UBE2W: variants seen among roughly 807,000 people sequenced by gnomAD.
UBE2W encodes the protein ubiquitin-conjugating enzyme E2 W.
UBE2W carries 18 observed loss-of-function variants against 27.2 expected under a neutral mutation model. The observed-to-expected ratio is 0.66, with a 90% CI of 0.46 to 0.98. The LOEUF is 0.98. Among genes scored for constraint, UBE2W ranks in the 50% least tolerant of loss-of-function variants. The pLI, the probability that UBE2W is intolerant of heterozygous loss-of-function variation, is 0.00. For missense variants in UBE2W, 90 were observed against 180.2 expected (o/e 0.50, Z 2.87); for synonymous variants, 53 against 57.2 (o/e 0.93, Z 0.33).
chr8:73,844,908 C>G (rs571335752), intron 1 of UBE2W, among the ~76,000 whole-genome samples: 2 of 149,460 alleles, frequency 1.3e-5, no homozygotes, highest in Non-Finnish European at 3.0e-5. Flanking sequence ...CCCCTCCGCC[C>G]GGCAGCCGCC....
chr8:73,855,048 A>G (rs991741387), intron 1 of UBE2W, among the ~76,000 whole-genome samples: 1 of 152,232 alleles, frequency 6.6e-6, no homozygotes, highest in Admixed American at 6.5e-5. Context: ...CTGTAAATCT[A>G]CAGTATGTAT....
intron 5 of UBE2W, among the ~76,000 whole-genome samples, chr8:73,801,730 TGTTTG>T (rs1186463113): frequency 2.0e-5 from 3 of 152,208 alleles, no homozygotes; most frequent in Non-Finnish European, 4.4e-5. Context: ...AGCGGCTTAG[TGTTTG>T]GTCCTAAAAG....
chr8:73,805,733 C>CA lies in UBE2W; in HGVS notation c.367-8dup. ...AATTATCCGGTGGTCGTCTCTGAAA[C>CA]AAAAAATAATTTAAATAGGTTGAAA... On this transcript the variant is annotated splice_polypyrimidine_tract_variant and splice_region_variant and intron_variant, in intron 4 of 5. Coordinates refer to ENST00000602593, the MANE Select transcript of UBE2W (RefSeq NM_018299.6). 6.7e-7 allele frequency: 1 copy of CA among 1,481,902 alleles called. No individual in the cohort carries two copies. Among genetic ancestry groups the CA allele is most frequent in the Non-Finnish European group, 9.1e-7 (1 of 1,104,148 alleles). The allele number at this position is 1,481,902 out of a possible 1,614,324, so 91.8% of individuals were successfully genotyped here. A position where few individuals can be genotyped will look rare whatever the true frequency, so the allele number is the denominator to read the frequency against.
At chr8:73,842,474 A>G (rs1001705531) in intron 1 of UBE2W, among the ~76,000 whole-genome samples, 4 of 135,798 alleles carry the variant, frequency 2.9e-5, no homozygotes, top group African/African-American at 1.1e-4. Context: ...GCTTGCAGTG[A>G]GCCGAGATGG....
intron 3 of UBE2W, among the ~76,000 whole-genome samples, chr8:73,824,591 G>A (rs143105700): frequency 5.6e-4 from 86 of 152,304 alleles, no homozygotes; most frequent in African/African-American, 1.9e-3. Context: ...CCGGTGTGAT[G>A]GAAGACAATT....
chr8:73,836,858 G>A (rs748773679), intron 1 of UBE2W, among the ~76,000 whole-genome samples: 1 of 152,200 alleles, frequency 6.6e-6, no homozygotes, highest in Non-Finnish European at 1.5e-5. Context: ...GAAAATGGCA[G>A]CTACAGATTG....
chr8:73,856,709 A>C (rs546965891), intron 1 of UBE2W, among the ~76,000 whole-genome samples: 1 of 151,354 alleles, frequency 6.6e-6, no homozygotes, highest in East Asian at 2.0e-4. Context: ...CAGCAGGAAT[A>C]AATTTTTTTT....
At chr8:73,799,770 A>G (rs1222850131) in intron 5 of UBE2W, among the ~76,000 whole-genome samples, 1 of 152,174 alleles carries the variant, frequency 6.6e-6, no homozygotes, top group African/African-American at 2.4e-5. Context: ...AGTTTATCCA[A>G]TTCTTAGTAA....
intron 1 of UBE2W, among the ~76,000 whole-genome samples, chr8:73,857,740 C>T (rs1811364443): frequency 2.0e-5 from 3 of 151,942 alleles, no homozygotes; most frequent in African/African-American, 2.4e-5. Context: ...TGCTTGAACC[C>T]GGGAGGTGGA....
chr8:73,829,317 T>C (rs1488026477), intron 2 of UBE2W, among the ~76,000 whole-genome samples: 1 of 152,112 alleles, frequency 6.6e-6, no homozygotes, highest in Non-Finnish European at 1.5e-5. Context: ...GGACAGCTGT[T>C]ACAGGATACT....
rs10652083 is a variant in UBE2W at position 73,789,307 on chromosome 8, TAAAAAAAAAAAAAA to T, written c.*4781_*4794del. 1.5e-3 allele frequency: 59 copies of T among 40,058 alleles called. 1 individual carries two copies. Among genetic ancestry groups the T allele is most frequent in the East Asian group, 2.3e-3 (2 of 866 alleles). 2.5% of individuals were successfully genotyped at this position (40,058 alleles called of 1,614,324 possible). The stretch of plus-strand genomic sequence containing the variant: ...GCAACATGGTGAGACCTCGTGTCTT[TAAAAAAAAAAAAAA>T]AAAAAAAAAAAAAAAAAAAAATTCT... On this transcript the variant is annotated 3_prime_UTR_variant, in exon 6 of 6. Transcript: ENST00000602593.
intron 1 of UBE2W, among the ~76,000 whole-genome samples, chr8:73,837,784 C>A (rs937890500): frequency 1.3e-5 from 2 of 152,184 alleles, no homozygotes; most frequent in African/African-American, 4.8e-5. Context: ...GTATTTAACA[C>A]CTACCCCAAA....
chr8:73,843,613 T>G (rs1379879819), intron 1 of UBE2W, among the ~76,000 whole-genome samples: 17 of 151,934 alleles, frequency 1.1e-4, no homozygotes, highest in Admixed American at 9.2e-4. Flanking sequence ...CCAGCCTGAG[T>G]GACAGAGAGA....
intron 1 of UBE2W, among the ~76,000 whole-genome samples, chr8:73,875,967 G>A (rs1012929973): frequency 3.3e-5 from 5 of 152,064 alleles, no homozygotes; most frequent in Non-Finnish European, 5.9e-5. Flanking sequence ...TAGGAGAATT[G>A]CTAGAACCCT....
chr8:73,790,183 GAA>G lies in UBE2W; in HGVS notation c.*3917_*3918del. ...TCCTTCTGTAGAATCCCTAACCTCA[GAA>G]AAAAAAAAGAGAGAATAAATTAGAA... On this transcript the variant is annotated 3_prime_UTR_variant, in exon 6 of 6. Transcript: ENST00000602593. The G allele has an allele frequency of 8.7e-6, 8 of 923,128 alleles. No individual in the cohort carries two copies. Among genetic ancestry groups the G allele is most frequent in the Non-Finnish European group, 1.0e-5 (8 of 778,976 alleles). The allele number at this position is 923,128 out of a possible 1,614,324, so 57.2% of individuals were successfully genotyped here. A position where few individuals can be genotyped will look rare whatever the true frequency, so the allele number is the denominator to read the frequency against.
intron 3 of UBE2W, among the ~76,000 whole-genome samples, chr8:73,814,024 C>T (rs1453450644): frequency 6.6e-6 from 1 of 152,168 alleles, no homozygotes; most frequent in Non-Finnish European, 1.5e-5. Flanking sequence ...TGAGTCACTG[C>T]ACCCGGCCCA....
intron 1 of UBE2W, among the ~76,000 whole-genome samples, chr8:73,852,360 T>G (rs1342461206): frequency 2.0e-5 from 3 of 152,214 alleles, no homozygotes; most frequent in African/African-American, 7.2e-5. Flanking sequence ...TTTTAATTTC[T>G]CAAGCTAGTT....
chr8:73,859,663 C>T (rs550182349), intron 1 of UBE2W, among the ~76,000 whole-genome samples: 1 of 152,026 alleles, frequency 6.6e-6, no homozygotes, highest in Admixed American at 6.6e-5. Flanking sequence ...GCTATTAGTA[C>T]TTAAGTTTTT....
intron 1 of UBE2W, among the ~76,000 whole-genome samples, chr8:73,869,684 CTT>C (rs577977508): frequency 9.8e-4 from 148 of 151,698 alleles, no homozygotes; most frequent in African/African-American, 3.4e-3. Context: ...GAGCAAGACT[CTT>C]GTCTCAGGGA....
Sources: gnomAD v4.1 joint callset for allele counts (sites outside exome capture counted in the v4.1 genomes callset) on GRCh38, gnomAD v4.1.1 for gene constraint, MANE v1.5 for transcripts, NCBI Gene and HGNC (gene_info 2026-07-23, HGNC 2026-07-21) for gene names.